Variants in SEM1 observed in about 807,000 individuals in gnomAD.
SEM1 encodes SEM1 26S proteasome subunit.
In SEM1, 3 loss-of-function variants were observed where a neutral mutation model predicts 12.7. That is an observed-to-expected ratio of 0.24 (90% confidence interval 0.11 to 0.61). The LOEUF is 0.61. Ranked by LOEUF, SEM1 falls within the 20% of genes least tolerant of loss-of-function variation. The pLI, the probability that SEM1 is intolerant of heterozygous loss-of-function variation, is 0.88. For missense variants in SEM1, 59 were observed against 81.3 expected (o/e 0.73, Z 1.06); for synonymous variants, 30 against 27.8 (o/e 1.08, Z -0.25).
intron 2 of SEM1, among the ~76,000 whole-genome samples, chr7:96,632,777 G>GTTTTTTTTTTTTTT (rs1437758372): frequency 1.0e-5 from 1 of 99,048 alleles, no homozygotes; most frequent in African/African-American, 3.2e-5. Flanking sequence ...TTTTTTTGTT[G>GTTTTTTTTTTTTTT]TTTTTTGTTT....
At chr7:96,503,231 A>G (rs1440203993) in intron 3 of SEM1, among the ~76,000 whole-genome samples, 1 of 152,088 alleles carries the variant, frequency 6.6e-6, no homozygotes, top group Non-Finnish European at 1.5e-5. Context: ...ACCTCCAAGG[A>G]CCTATCAATC....
intron 2 of SEM1, among the ~76,000 whole-genome samples, chr7:96,583,551 T>C (rs920968352): frequency 6.7e-6 from 1 of 149,918 alleles, no homozygotes; most frequent in Non-Finnish European, 1.5e-5. Context: ...CTTGTTGATC[T>C]GTCTAATGTT....
intron 2 of SEM1, among the ~76,000 whole-genome samples, chr7:96,530,521 A>G (rs1164811717): frequency 6.6e-6 from 1 of 152,114 alleles, no homozygotes; most frequent in Admixed American, 6.6e-5. Flanking sequence ...TGCTGGGAAC[A>G]AAAAAGAGCA....
At chr7:96,680,251 C>T (rs1319374741) in intron 2 of SEM1, among the ~76,000 whole-genome samples, 1 of 152,028 alleles carries the variant, frequency 6.6e-6, no homozygotes, top group Non-Finnish European at 1.5e-5. Flanking sequence ...TTCCCCACTC[C>T]CCTAGTACTT....
chr7:96,552,917 GT>G (rs1805335511), intron 2 of SEM1, among the ~76,000 whole-genome samples: 1 of 149,196 alleles, frequency 6.7e-6, no homozygotes, highest in African/African-American at 2.5e-5. Flanking sequence ...TCTCATTGTG[GT>G]TTTGATTTGC....
At chr7:96,580,059 G>C (rs562022783) in intron 2 of SEM1, among the ~76,000 whole-genome samples, 2 of 149,054 alleles carry the variant, frequency 1.3e-5, no homozygotes, top group African/African-American at 4.9e-5. Context: ...ATGCTGGTGC[G>C]CTGCACCCAC....
intron 2 of SEM1, among the ~76,000 whole-genome samples, chr7:96,559,661 A>G (rs1440404777): frequency 6.6e-6 from 1 of 152,242 alleles, no homozygotes; most frequent in Admixed American, 6.5e-5. Context: ...AGATCTATAT[A>G]GCACTTTTAA....
rs1193213770 is a variant in SEM1, at chr7:96,709,713, G to A, written c.51C>T (p.Asp17=). The A allele has an allele frequency of 5.0e-6, 8 of 1,613,644 alleles. No individual in the cohort carries two copies. Among genetic ancestry groups the A allele is most frequent in the South Asian group, 2.2e-5 (2 of 91,050 alleles). ...CTTCGGCAGGGAACTCTTCAAACTC[G>A]TCGTCTTCCTCTAACAGACCTAAGT... ...PVDLGLLEED[D]EFEEFPAEDW... The change falls in exon 1 of 3, where the codon GAC becomes GAT. Residue 17 remains aspartate, a synonymous_variant. Coordinates refer to ENST00000248566, the MANE Select transcript of SEM1 (RefSeq NM_006304.2).
At chr7:96,509,144 G>T (rs1023745736) in intron 2 of SEM1, among the ~76,000 whole-genome samples, 1 of 146,014 alleles carries the variant, frequency 6.8e-6, no homozygotes, top group African/African-American at 2.6e-5. Flanking sequence ...GCACCACCAC[G>T]TCCAGCTAAT....
At chr7:96,580,022 G>A (rs1458990006) in intron 2 of SEM1, among the ~76,000 whole-genome samples, 2 of 150,274 alleles carry the variant, frequency 1.3e-5, no homozygotes, top group African/African-American at 4.9e-5. Context: ...ACAATGTGCA[G>A]GTTAGTTACA....
At chr7:96,491,231 G>A (rs1802994572) in intron 1 of SEM1, among the ~76,000 whole-genome samples, 1 of 152,136 alleles carries the variant, frequency 6.6e-6, no homozygotes, top group Admixed American at 6.6e-5. Flanking sequence ...CCAGGAACAT[G>A]ATAATGTTTA....
rs977042959 is a variant in SEM1, at chr7:96,484,855, C to T, written c.228-1G>A. ...CCACTTCTTTTTTCTTGAGGTGGAGCTGTAAATATTAGATTTCATGATTCA... is the reference window on the plus strand; with the variant it reads ...CCACTTCTTTTTTCTTGAGGTGGAGTTGTAAATATTAGATTTCATGATTCA... On this transcript the variant is annotated splice_acceptor_variant, in intron 2 of 3. Transcript: ENST00000356686. LOFTEE classifies it high-confidence loss of function. The T allele has an allele frequency of 3.9e-6, 5 of 1,287,754 alleles. No individual in the cohort carries two copies. Among genetic ancestry groups the T allele is most frequent in the African/African-American group, 1.5e-5 (1 of 65,870 alleles). The allele number at this position is 1,287,754 out of a possible 1,614,324, so 79.8% of individuals were successfully genotyped here. A position where few individuals can be genotyped will look rare whatever the true frequency, so the allele number is the denominator to read the frequency against.
rs1807991147 is a variant in SEM1, at chr7:96,624,312, A to G, written c.171-1669T>C. The stretch of plus-strand genomic sequence containing the variant: ...TAGATATATGGGAGTACATTGTATT[A>G]GTCTAAAATTTTGTGCTTAGGATTT... On this transcript the variant is annotated intron_variant, in intron 2 of 2. Transcript: ENST00000417009. Among the ~76,000 whole-genome samples the G allele has an allele frequency of 2.6e-5, 4 of 152,310 alleles. No individual in the cohort carries two copies. In the South Asian group the frequency reaches 8.3e-4, roughly 32 times the overall value.
chr7:96,489,423 TTGATGC>T (rs1802912031), intron 1 of SEM1, among the ~76,000 whole-genome samples: 1 of 152,104 alleles, frequency 6.6e-6, no homozygotes, highest in Non-Finnish European at 1.5e-5. Context: ...AAGTTCCCAG[TTGATGC>T]TGATGCTAAT....
chr7:96,616,980 A>G (rs536536648), intron 2 of SEM1, among the ~76,000 whole-genome samples: 5 of 152,182 alleles, frequency 3.3e-5, no homozygotes, highest in African/African-American at 1.2e-4. Context: ...CAGGTAATGT[A>G]ATGCCTCCAG....
chr7:96,563,853 G>T (rs1805765350), intron 2 of SEM1, among the ~76,000 whole-genome samples: 1 of 145,726 alleles, frequency 6.9e-6, no homozygotes. Context: ...ACCCAGATTA[G>T]CCTATAAATT....
intron 2 of SEM1, among the ~76,000 whole-genome samples, chr7:96,576,578 TAATTTC>T (rs1806210094): frequency 6.6e-6 from 1 of 152,348 alleles, no homozygotes; most frequent in African/African-American, 2.4e-5. Context: ...CACATATGTT[TAATTTC>T]ATTTTAAATA....
downstream of SEM1, chr7:96,621,743 C>T (rs970864485): frequency 6.6e-6 from 1 of 152,192 alleles, no homozygotes; most frequent in Non-Finnish European, 1.5e-5. Flanking sequence ...AATGAATTTG[C>T]AGTTTAGGGA....
intron 2 of SEM1, among the ~76,000 whole-genome samples, chr7:96,648,714 A>T (rs1023409581): frequency 6.6e-6 from 1 of 152,194 alleles, no homozygotes; most frequent in Non-Finnish European, 1.5e-5. Context: ...GGAATTTTGG[A>T]TGGATACTTG....
Sources: gnomAD v4.1 joint callset for allele counts (sites outside exome capture counted in the v4.1 genomes callset) on GRCh38, gnomAD v4.1.1 for gene constraint, MANE v1.5 for transcripts, NCBI Gene and HGNC (gene_info 2026-07-23, HGNC 2026-07-21) for gene names.